Variants in RNFT2 observed in about 807,000 individuals in gnomAD.
RNFT2 encodes the protein E3 ubiquitin-protein ligase RNFT2.
Under a neutral mutation model 53.0 loss-of-function variants are expected in RNFT2, and 36 were observed. The observed-to-expected ratio is 0.68, with a 90% CI of 0.52 to 0.90. The LOEUF (loss-of-function observed/expected upper bound fraction) is 0.90, where lower values mean the gene tolerates loss of function less well. Among genes scored for constraint, RNFT2 ranks in the 40% least tolerant of loss-of-function variants. The pLI is 0.00. For missense variants in RNFT2, 514 were observed against 585.6 expected (o/e 0.88, Z 1.26); for synonymous variants, 260 against 253.2 (o/e 1.03, Z -0.26).
intron 7 of RNFT2, among the ~76,000 whole-genome samples, chr12:116,805,760 C>G (rs1394960147): frequency 2.0e-5 from 3 of 152,238 alleles, no homozygotes; most frequent in African/African-American, 7.2e-5. Context: ...AGGCGTGAGC[C>G]ACGGTGCCCA....
At chr12:116,745,116 A>C (rs1352611114) in intron 3 of RNFT2, among the ~76,000 whole-genome samples, 1 of 149,316 alleles carries the variant, frequency 6.7e-6, no homozygotes, top group Non-Finnish European at 1.5e-5. Flanking sequence ...TGGAGCCAGC[A>C]GGGGTGGGGC....
At chr12:116,813,596 GT>G (rs2137169479) in intron 7 of RNFT2, among the ~76,000 whole-genome samples, 1 of 152,314 alleles carries the variant, frequency 6.6e-6, no homozygotes, top group African/African-American at 2.4e-5. Context: ...TTGCTGGTTT[GT>G]CTCCCCCATT....
chr12:116,776,912 T>A (rs992003763), intron 6 of RNFT2, among the ~76,000 whole-genome samples: 2 of 112,094 alleles, frequency 1.8e-5, no homozygotes, highest in Non-Finnish European at 3.8e-5. Flanking sequence ...CAGCTCAAAA[T>A]GGGATTTTTT....
intron 4 of RNFT2, among the ~76,000 whole-genome samples, chr12:116,752,945 C>A (rs368057295): frequency 6.6e-6 from 1 of 152,000 alleles, no homozygotes. Context: ...AAGCAGGACT[C>A]GAAAATCATT....
rs1878005540 is a variant in RNFT2, at chr12:116,853,088, G to A, written c.*3640G>A. 2.4e-6 allele frequency: 1 copy of A among 425,354 alleles called. No individual in the cohort carries two copies. The highest frequency in any genetic ancestry group is 4.0e-5 in the Admixed American group (1 of 24,844). 26.3% of individuals were successfully genotyped at this position (425,354 alleles called of 1,614,324 possible). A position where few individuals can be genotyped will look rare whatever the true frequency, so the allele number is the denominator to read the frequency against. On this transcript the variant is annotated 3_prime_UTR_variant, in exon 11 of 11. Coordinates refer to ENST00000257575, the MANE Select transcript of RNFT2 (RefSeq NM_001382266.1). ...TCCCATCTGAGGTTTTCTTCTCGGTGGGGGGATTTAACTTCTGTCCTAGGG... is the reference window on the plus strand; with the variant it reads ...TCCCATCTGAGGTTTTCTTCTCGGTAGGGGGATTTAACTTCTGTCCTAGGG...
intron 7 of RNFT2, among the ~76,000 whole-genome samples, chr12:116,827,524 A>G (rs961171358): frequency 6.6e-6 from 1 of 152,212 alleles, no homozygotes; most frequent in Non-Finnish European, 1.5e-5. Flanking sequence ...ACTTATCTAG[A>G]TTCTGATAGA....
At chr12:116,809,484 C>T (rs1341678258) in intron 7 of RNFT2, among the ~76,000 whole-genome samples, 1 of 152,132 alleles carries the variant, frequency 6.6e-6, no homozygotes, top group Admixed American at 6.5e-5. Flanking sequence ...AGCTCCAGTT[C>T]TCGCAGGTAA....
intron 3 of RNFT2, among the ~76,000 whole-genome samples, chr12:116,744,749 G>A (rs1476447129): frequency 1.3e-5 from 2 of 152,166 alleles, no homozygotes; most frequent in Non-Finnish European, 2.9e-5. Context: ...CTGGATGCAG[G>A]GGAGAGGCCC....
intron 7 of RNFT2, among the ~76,000 whole-genome samples, chr12:116,779,572 G>A (rs907342196): frequency 1.3e-5 from 2 of 152,146 alleles, no homozygotes; most frequent in Non-Finnish European, 2.9e-5. Context: ...CTTTCCAAGT[G>A]CATTTCCTAA....
intron 6 of RNFT2, among the ~76,000 whole-genome samples, chr12:116,778,700 A>T (rs942635572): frequency 1.3e-5 from 2 of 152,164 alleles, no homozygotes; most frequent in Non-Finnish European, 2.9e-5. Context: ...AAATACAAAA[A>T]ATTAGCCAGC....
At chr12:116,762,837 C>G (rs1169877328) in intron 5 of RNFT2, among the ~76,000 whole-genome samples, 3 of 152,260 alleles carry the variant, frequency 2.0e-5, no homozygotes, top group African/African-American at 7.2e-5. Flanking sequence ...GTCTTGAACA[C>G]TTGACCTCAG....
chr12:116,789,860 G>T, intron 7 of RNFT2, among the ~76,000 whole-genome samples: 1 of 148,806 alleles, frequency 6.7e-6, no homozygotes, highest in Non-Finnish European at 1.5e-5. Flanking sequence ...TGAGTAGATG[G>T]ATAGATGGGT....
chr12:116,846,900 GATTT>G (rs774513141), intron 10 of RNFT2, among the ~76,000 whole-genome samples: 4 of 95,196 alleles, frequency 4.2e-5, no homozygotes, highest in African/African-American at 1.6e-4. Context: ...GCATGCCCAG[GATTT>G]TTTTTTTTTT....
At chr12:116,797,523 C>A (rs546509330) in intron 7 of RNFT2, among the ~76,000 whole-genome samples, 2 of 150,550 alleles carry the variant, frequency 1.3e-5, no homozygotes, top group Admixed American at 1.3e-4. Flanking sequence ...CCACTGCACT[C>A]CAGCCTGTCT....
chr12:116,750,380 G>T, intron 4 of RNFT2, 73 bp downstream of exon 4: 1 of 1,434,936 alleles, frequency 7.0e-7, no homozygotes, highest in East Asian at 2.5e-5. Flanking sequence ...TGGGGTGGGG[G>T]CTCCTCCTCT....
At chr12:116,841,766 A>AATATAT in intron 10 of RNFT2, among the ~76,000 whole-genome samples, 1 of 110,544 alleles carries the variant, frequency 9.0e-6, no homozygotes, top group Middle Eastern at 4.3e-3. Flanking sequence ...TATAAATATA[A>AATATAT]ATATATATAT....
intron 1 of RNFT2, among the ~76,000 whole-genome samples, chr12:116,739,017 G>C (rs979495766): frequency 6.6e-6 from 1 of 152,150 alleles, no homozygotes; most frequent in Admixed American, 6.5e-5. Flanking sequence ...AAAGAGAAAG[G>C]AGGCTTCACT....
chr12:116,777,152 A>C (rs1158962480), intron 6 of RNFT2, among the ~76,000 whole-genome samples: 1 of 152,024 alleles, frequency 6.6e-6, no homozygotes, highest in Non-Finnish European at 1.5e-5. Context: ...TCCTGACCTC[A>C]AGTGATCTGC....
At chr12:116,798,160 CAG>C (rs1160383602) in intron 7 of RNFT2, among the ~76,000 whole-genome samples, 1 of 150,426 alleles carries the variant, frequency 6.6e-6, no homozygotes, top group East Asian at 1.9e-4. Context: ...CGTGAGGACA[CAG>C]AGAAAATAGC....
Sources: gnomAD v4.1 joint callset for allele counts (sites outside exome capture counted in the v4.1 genomes callset) on GRCh38, gnomAD v4.1.1 for gene constraint, MANE v1.5 for transcripts, NCBI Gene and HGNC (gene_info 2026-07-23, HGNC 2026-07-21) for gene names.